Variants in DDX10 observed in about 807,000 individuals in gnomAD.
DDX10 encodes probable ATP-dependent RNA helicase DDX10.
Under a neutral mutation model 104.3 loss-of-function variants are expected in DDX10, and 74 were observed. The ratio of observed to expected loss-of-function variants is 0.71; its 90% CI spans 0.59 to 0.86. DDX10 has a LOEUF of 0.86. Ranked by LOEUF, DDX10 falls within the 40% of genes least tolerant of loss-of-function variation. The pLI is 0.00. For synonymous variants in DDX10, 351 were observed against 353.4 expected, an observed-to-expected ratio of 0.99 and a Z score of 0.08; for missense variants, 952 against 1,040.0, an observed-to-expected ratio of 0.92 and a Z score of 1.16.
At chr11:108,855,364 G>T (rs1319780111) in intron 16 of DDX10, among the ~76,000 whole-genome samples, 1 of 152,198 alleles carries the variant, frequency 6.6e-6, no homozygotes, top group Admixed American at 6.5e-5. Flanking sequence ...TTGTATAAAT[G>T]TAAGGAAAAG....
chr11:108,871,792 G>C (rs1467992515), intron 16 of DDX10, among the ~76,000 whole-genome samples: 2 of 152,168 alleles, frequency 1.3e-5, no homozygotes, highest in Non-Finnish European at 2.9e-5. Context: ...GCCGGGAGTG[G>C]TGTCACATGC....
chr11:108,791,981 G>A (rs1861877842), intron 13 of DDX10, among the ~76,000 whole-genome samples: 1 of 152,018 alleles, frequency 6.6e-6, no homozygotes, highest in Non-Finnish European at 1.5e-5. Flanking sequence ...ATAGTTATTC[G>A]AGTGGCTACA....
At position 108,731,789 on chromosome 11, in the gene DDX10, A is replaced by T. The variant is rs1440769744; in HGVS notation, c.1965+8327A>T. Among the ~76,000 whole-genome samples the T allele has an allele frequency of 2.0e-5, 3 of 151,890 alleles. 1 individual carries two copies. The highest frequency in any genetic ancestry group is 4.2e-4 in the South Asian group (2 of 4,818). On this transcript the variant is annotated intron_variant, in intron 13 of 17. Transcript: ENST00000322536. ...TCACTGGAGGCTGCTTTTTTCCTTT[A>T]TTACCTATTTTTAAGGATAGACGAG... is the stretch of plus-strand genomic sequence containing the variant.
chr11:108,782,141 T>C (rs1218614513), intron 13 of DDX10, among the ~76,000 whole-genome samples: 2 of 152,234 alleles, frequency 1.3e-5, no homozygotes, highest in East Asian at 3.8e-4. Flanking sequence ...GTGATGACTT[T>C]GATATGTCAG....
intron 13 of DDX10, among the ~76,000 whole-genome samples, chr11:108,817,597 T>A (rs1382254578): frequency 6.6e-6 from 1 of 152,248 alleles, no homozygotes; most frequent in East Asian, 1.9e-4. Context: ...ATGCAAACTC[T>A]ACTGTACCCC....
chr11:108,700,155 G>C (rs2094265628), intron 9 of DDX10, among the ~76,000 whole-genome samples: 1 of 152,114 alleles, frequency 6.6e-6, no homozygotes, highest in Admixed American at 6.5e-5. Flanking sequence ...GGGGTGGAGG[G>C]AGCGCAGGGC....
chr11:108,775,095 G>C (rs1256350003), intron 13 of DDX10, among the ~76,000 whole-genome samples: 1 of 152,206 alleles, frequency 6.6e-6, no homozygotes, highest in African/African-American at 2.4e-5. Flanking sequence ...TTATACATTT[G>C]CTTATTTAAA....
chr11:108,722,823 G>C (rs1291350874), intron 12 of DDX10, among the ~76,000 whole-genome samples, 174 bp from the exon 13 acceptor site: 1 of 152,146 alleles, frequency 6.6e-6, no homozygotes, highest in Non-Finnish European at 1.5e-5. Context: ...GGTGTTGAGT[G>C]TATTTTGCCT....
chr11:108,788,817 C>CT (rs1861831545), intron 13 of DDX10, among the ~76,000 whole-genome samples: 1 of 152,146 alleles, frequency 6.6e-6, no homozygotes, highest in African/African-American at 2.4e-5. Context: ...TACTTTGGTT[C>CT]TTTTGTATTT....
chr11:108,863,047 A>T (rs1422135774), intron 16 of DDX10, among the ~76,000 whole-genome samples: 2 of 152,230 alleles, frequency 1.3e-5, no homozygotes, highest in East Asian at 3.8e-4. Context: ...GACTTACCTC[A>T]TTCTTACCAT....
chr11:108,824,193 C>T lies in DDX10; in HGVS notation c.1966-14253C>T, dbSNP rs150607654. 2.1e-3 allele frequency among the ~76,000 whole-genome samples: 318 copies of T among 152,292 alleles called. 1 individual carries two copies. The highest frequency in any genetic ancestry group is 7.4e-3 in the African/African-American group (306 of 41,554). On this transcript the variant is annotated intron_variant, in intron 13 of 17. Transcript: ENST00000322536. ...CAGTAGCTGGGATTGCAGGTGCTCA[C>T]CACCACGCATGGCTAATTTTTGTGT...
intron 1 of DDX10, among the ~76,000 whole-genome samples, chr11:108,667,240 T>C (rs2094211309): frequency 6.6e-6 from 1 of 152,216 alleles, no homozygotes; most frequent in African/African-American, 2.4e-5. Flanking sequence ...AATGAATGGG[T>C]GTTGTTTTTC....
chr11:108,936,214 T>A (rs150342827), intron 17 of DDX10, among the ~76,000 whole-genome samples: 39 of 152,340 alleles, frequency 2.6e-4, no homozygotes, highest in African/African-American at 8.9e-4. Flanking sequence ...AGATTACATA[T>A]TACATGCTGA....
chr11:108,791,467 A>G (rs1861870248), intron 13 of DDX10, among the ~76,000 whole-genome samples: 1 of 152,254 alleles, frequency 6.6e-6, no homozygotes, highest in South Asian at 2.1e-4. Flanking sequence ...TTAGTGAGCT[A>G]TAAGGTATGT....
At chr11:108,670,047 T>C (rs1482729602) in intron 1 of DDX10, among the ~76,000 whole-genome samples, 1 of 152,240 alleles carries the variant, frequency 6.6e-6, no homozygotes, top group Admixed American at 6.5e-5. Context: ...CTATTTGTGG[T>C]AATTTATTAC....
At chr11:108,801,184 T>C (rs186702680) in intron 13 of DDX10, among the ~76,000 whole-genome samples, 41 of 152,276 alleles carry the variant, frequency 2.7e-4, no homozygotes, top group African/African-American at 9.4e-4. Flanking sequence ...GTCAAGAAAA[T>C]GCTTAACTGG....
intron 13 of DDX10, among the ~76,000 whole-genome samples, chr11:108,730,442 T>G (rs1004534464): frequency 6.6e-6 from 1 of 152,242 alleles, no homozygotes; most frequent in Non-Finnish European, 1.5e-5. Context: ...ATTGTCTTAC[T>G]GATCAGTGTG....
chr11:108,759,598 A>G (rs1424008738), intron 13 of DDX10, among the ~76,000 whole-genome samples: 5 of 152,050 alleles, frequency 3.3e-5, no homozygotes, highest in African/African-American at 1.2e-4. Context: ...AAAAGTTTTT[A>G]TAGCCAACAA....
intron 13 of DDX10, among the ~76,000 whole-genome samples, chr11:108,750,801 A>G (rs947786311): frequency 3.3e-5 from 5 of 150,860 alleles, no homozygotes; most frequent in African/African-American, 4.9e-5. Context: ...ACTGTTACCT[A>G]GGCTAGAGTA....
Sources: gnomAD v4.1 joint callset for allele counts (sites outside exome capture counted in the v4.1 genomes callset) on GRCh38, gnomAD v4.1.1 for gene constraint, MANE v1.5 for transcripts, NCBI Gene and HGNC (gene_info 2026-07-23, HGNC 2026-07-21) for gene names.